The following TNS1 variants were observed in gnomAD, a reference collection of about 807,000 sequenced individuals.
TNS1 encodes tensin 1.
TNS1 carries 62 observed loss-of-function variants against 168.6 expected under a neutral mutation model. The observed-to-expected ratio is 0.37, with a 90% CI of 0.30 to 0.45. The LOEUF is 0.45. TNS1 is among the 20% of genes least tolerant of loss of function. TNS1 has a pLI of 1.00. For synonymous variants in TNS1, 934 were observed against 933.2 expected, an observed-to-expected ratio of 1.00 and a Z score of -0.02; for missense variants, 2,240 against 2,339.4, an observed-to-expected ratio of 0.96 and a Z score of 0.88.
In TNS1 at chr2:217,847,683, G is replaced by A; in HGVS notation, c.2834C>T (p.Pro945Leu). 2 of 1,600,826 alleles carry A rather than the reference G, an allele frequency of 1.2e-6. No homozygotes were observed. The highest frequency in any genetic ancestry group is 1.7e-6 in the Non-Finnish European group (2 of 1,169,042). ...HSKSPASSSL[P>L]AFLPTTHSPP... ...GCTGTGGGTGGTCGGAAGGAAGGCA[G>A]GCAAGGAGGAAGAGGCTGGGCTCTT... Residue 945 changes from proline (P) to leucine (L), a missense_variant, in exon 19 of 33, where the codon CCT becomes CTT. Around this residue, in one of 2 missense-constraint regions of TNS1, gnomAD observed 2,131 missense variants for 2,171.2 expected, o/e 0.98. Coordinates refer to ENST00000682258, the MANE Select transcript of TNS1 (RefSeq NM_001387777.1).
At chr2:217,895,401 G>T (rs1287403641) in intron 8 of TNS1, among the ~76,000 whole-genome samples, 1 of 152,248 alleles carries the variant, frequency 6.6e-6, no homozygotes, top group Non-Finnish European at 1.5e-5. Context: ...GAGAGAGAGA[G>T]ATGTAGACAC....
At chr2:218,007,470 C>T (rs563352076), upstream of TNS1, among the ~76,000 whole-genome samples, 36 of 149,820 alleles carry the variant, frequency 2.4e-4, no homozygotes, top group South Asian at 6.9e-3. Context: ...TACAGCAATA[C>T]GGCCACCCCA....
chr2:217,847,838 G>T lies in TNS1; in HGVS notation c.2679C>A (p.Pro893=), dbSNP rs1439051866. The change falls in exon 19 of 33, where the codon CCC becomes CCA. Residue 893 remains proline, a synonymous_variant. Coordinates refer to ENST00000682258, the MANE Select transcript of TNS1 (RefSeq NM_001387777.1). ...CAGGGGTTCCCAACGAATGCCCACTGGGGATATAGCCAGATCTGGACTGGG... is the reference window on the plus strand; with the variant it reads ...CAGGGGTTCCCAACGAATGCCCACTTGGGATATAGCCAGATCTGGACTGGG... The part of the protein sequence containing the change: ...PLTQSRSGYI[P]SGHSLGTPEP... 1.9e-6 allele frequency: 3 copies of T among 1,593,364 alleles called. No individual in the cohort carries two copies. Among genetic ancestry groups the T allele is most frequent in the East Asian group, 4.5e-5 (2 of 44,274 alleles).
intron 1 of TNS1, among the ~76,000 whole-genome samples, chr2:218,031,519 TTG>T (rs1290418626): frequency 1.5e-5 from 2 of 135,700 alleles, no homozygotes; most frequent in African/African-American, 5.3e-5. Context: ...TGAGTGTGTC[TTG>T]TGTGAGTGTG....
At chr2:217,964,196 GT>G (rs1477382929) in intron 3 of TNS1, among the ~76,000 whole-genome samples, 1 of 152,230 alleles carries the variant, frequency 6.6e-6, no homozygotes, top group Non-Finnish European at 1.5e-5. Context: ...TCACAGAGGG[GT>G]GCTGATCATA....
In TNS1 at chr2:217,813,281, G is replaced by A; in HGVS notation, c.4888C>T (p.His1630Tyr). ...CTGGGGCCAGTCTCTATCAGAAAAT[G>A]CCTGACCAGCTCATGGGTCATGTCT... The part of the protein sequence containing the change: ...KGDMTHELVR[H>Y]FLIETGPRGV... The change falls in exon 27 of 33, where the codon CAT (histidine) becomes TAT (tyrosine). Residue 1630 changes from histidine (H) to tyrosine (Y), a missense_variant. By Grantham distance (83) the His-to-Tyr change is moderately conservative. Coordinates refer to ENST00000682258, the MANE Select transcript of TNS1 (RefSeq NM_001387777.1). This position sits in a 1 kb window ranked among gnomAD's most constrained non-coding sequence, Gnocchi z 4.0. 6.3e-7 allele frequency: 1 copy of A among 1,596,368 alleles called. No individual in the cohort carries two copies. Among genetic ancestry groups the A allele is most frequent in the Non-Finnish European group, 8.5e-7 (1 of 1,170,074 alleles).
chr2:217,989,322 A>G (rs1013604089), intron 2 of TNS1, among the ~76,000 whole-genome samples: 1 of 152,184 alleles, frequency 6.6e-6, no homozygotes, highest in African/African-American at 2.4e-5. Flanking sequence ...GCTGGTGTGG[A>G]CGGTGGGTCA....
At chr2:217,967,586 A>C (rs1010192799) in intron 3 of TNS1, among the ~76,000 whole-genome samples, 3 of 152,300 alleles carry the variant, frequency 2.0e-5, no homozygotes, top group Non-Finnish European at 2.9e-5. Flanking sequence ...ATTCCTAGAA[A>C]GGCATAAACT....
Position 217,808,082 on chromosome 2 carries a change from G to A in TNS1, c.5368C>T (p.Pro1790Ser), listed in dbSNP as rs201883538. Residue 1790 changes from proline (P) to serine (S), a missense_variant, in exon 32 of 33, where the codon CCT (proline) becomes TCT (serine). Physicochemically the swap from Pro to Ser is moderately conservative, Grantham distance 74 (BLOSUM62 -1). Transcript: ENST00000682258. ...RKWMKTEGGA[P>S]AKLFGFVARK... ...GTAAGAAGTCACACTTACTTAGCAG[G>A]GGCACCACCCTCTGTTTTCATCCAC... 1.2e-6 allele frequency: 2 copies of A among 1,613,186 alleles called. No homozygotes were observed. The highest frequency in any genetic ancestry group is 2.2e-5 in the South Asian group (2 of 90,978).
chr2:218,025,497 A>G (rs1261518254), intron 1 of TNS1, among the ~76,000 whole-genome samples: 1 of 151,824 alleles, frequency 6.6e-6, no homozygotes, highest in Non-Finnish European at 1.5e-5. Flanking sequence ...TGATCTGCCC[A>G]CCTCGGCCTC....
intron 4 of TNS1, among the ~76,000 whole-genome samples, chr2:217,917,539 T>C (rs1167279903): frequency 6.6e-6 from 1 of 151,940 alleles, no homozygotes; most frequent in African/African-American, 2.4e-5. Flanking sequence ...CAATAAAAAT[T>C]TGAGGTTCGG....
Position 217,821,793 on chromosome 2 carries a change from G to A in TNS1, c.3519C>T (p.Ser1173=), listed in dbSNP as rs768051117. 19 of 1,533,820 alleles carry A rather than the reference G, an allele frequency of 1.2e-5. No homozygotes were observed. The highest frequency in any genetic ancestry group is 1.6e-5 in the Non-Finnish European group (18 of 1,142,696). The change falls in exon 23 of 33, where the codon TCC becomes TCT. Residue 1173 remains serine, a synonymous_variant. Transcript: ENST00000682258. Reference sequence around the variant, plus strand: ...TGGAGAGGGGGCTGGGGGAGACAAAGGAGCCACCCAGGGTCCCGTTCCTCA... The same window carrying A: ...TGGAGAGGGGGCTGGGGGAGACAAAAGAGCCACCCAGGGTCCCGTTCCTCA... ...IPLRNGTLGG[S]FVSPSPLSTS... is the part of the protein sequence containing the mutation.
intron 3 of TNS1, among the ~76,000 whole-genome samples, chr2:217,941,347 C>G (rs1282130362): frequency 6.6e-6 from 1 of 152,212 alleles, no homozygotes; most frequent in African/African-American, 2.4e-5. Context: ...CCCCTCAACT[C>G]CACACTGTCA....
At chr2:218,018,222 C>CTAA (rs1256260219) in intron 1 of TNS1, among the ~76,000 whole-genome samples, 1 of 152,220 alleles carries the variant, frequency 6.6e-6, no homozygotes, top group Non-Finnish European at 1.5e-5. Flanking sequence ...TCAAGTCAGA[C>CTAA]ATCAGGCAGA....
At position 217,893,410 on chromosome 2, in the gene TNS1, A is replaced by G. The variant is rs773226035; in HGVS notation, c.717+29T>C. 45 of 1,570,454 alleles carry G rather than the reference A, an allele frequency of 2.9e-5. No individual in the cohort carries two copies. The South Asian group carries it at 4.5e-4, about 16-fold the overall frequency. ...CGCATGTGCGCGCGCGCACACACAC[A>G]CACACACACACACACACACAGCTCT... On this transcript the variant is annotated intron_variant, in intron 10 of 32. Transcript: ENST00000682258.
chr2:217,902,302 T>G (rs748914493), intron 6 of TNS1, among the ~76,000 whole-genome samples: 12 of 152,168 alleles, frequency 7.9e-5, no homozygotes, highest in Non-Finnish European at 1.8e-4. Context: ...AAATAGCCCC[T>G]TGAGTTTCAT....
chr2:217,804,394 G>A lies in TNS1; in HGVS notation c.*65C>T, dbSNP rs572816088. On this transcript the variant is annotated 3_prime_UTR_variant, in exon 33 of 33. Transcript: ENST00000682258. ...TCCTTCTGGGTTCAAGAGTGGTCAG[G>A]ATTCATGGGTCCCCTCCCCACAAGC... 2.0e-5 allele frequency: 32 copies of A among 1,598,708 alleles called. No homozygotes were observed. In the Middle Eastern group the frequency reaches 5.0e-4, roughly 25 times the overall value.
At chr2:218,010,802 C>G (rs1223018194), upstream of TNS1, among the ~76,000 whole-genome samples, 3 of 152,160 alleles carry the variant, frequency 2.0e-5, no homozygotes, top group Non-Finnish European at 4.4e-5. Flanking sequence ...TATTGCTCCC[C>G]AGGGCATAAT....
intron 3 of TNS1, among the ~76,000 whole-genome samples, chr2:217,961,256 C>CAGAGAGAGAGAG (rs539858587): frequency 1.4e-5 from 2 of 141,114 alleles, no homozygotes; most frequent in African/African-American, 5.4e-5. Flanking sequence ...CACACACACA[C>CAGAGAGAGAGAG]ACACAGAGAG....
Sources: allele counts gnomAD v4.1 joint callset (sites outside exome capture counted in the v4.1 genomes callset), GRCh38; gene constraint gnomAD v4.1.1; regional missense constraint gnomAD v4.1.1; non-coding constraint Gnocchi (gnomAD v3.1); transcripts MANE v1.5; gene names NCBI Gene and HGNC (gene_info 2026-07-23, HGNC 2026-07-21).